The following LEF1 variants were observed in gnomAD, a reference collection of about 807,000 sequenced individuals.
LEF1 encodes the protein lymphoid enhancer-binding factor 1.
In LEF1, 14 loss-of-function variants were observed where a neutral mutation model predicts 51.2. The observed-to-expected ratio is 0.27, with a 90% CI of 0.18 to 0.43. The LOEUF (loss-of-function observed/expected upper bound fraction) is 0.43, where lower values mean the gene tolerates loss of function less well. Ranked by LOEUF, LEF1 falls within the 20% of genes least tolerant of loss-of-function variation. The probability of loss-of-function intolerance (pLI) is 1.00; values close to 1 mark genes in which losing one functional copy is unlikely to be tolerated. For missense variants in LEF1, 386 were observed against 512.0 expected (o/e 0.75, Z 2.37); for synonymous variants, 185 against 183.2 (o/e 1.01, Z -0.08).
intron 3 of LEF1, among the ~76,000 whole-genome samples, chr4:108,090,331 C>T (rs774349429): frequency 6.6e-6 from 1 of 152,096 alleles, no homozygotes; most frequent in African/African-American, 2.4e-5. Flanking sequence ...TTTTAACACA[C>T]TTTATATGTC....
chr4:108,091,464 G>GAA (rs201140032), intron 3 of LEF1, among the ~76,000 whole-genome samples: 4 of 148,006 alleles, frequency 2.7e-5, no homozygotes, highest in African/African-American at 9.9e-5. Flanking sequence ...GAAAAAAAAG[G>GAA]AAAAAAAAAT....
intron 3 of LEF1, among the ~76,000 whole-genome samples, chr4:108,131,405 A>AT (rs70949013): frequency 1.4e-5 from 2 of 145,732 alleles, no homozygotes; most frequent in Non-Finnish European, 3.1e-5. Flanking sequence ...AAAAAAAAAA[A>AT]TGTTTTAAAT....
chr4:108,059,124 G>C (rs1737504264), intron 11 of LEF1, among the ~76,000 whole-genome samples: 1 of 152,134 alleles, frequency 6.6e-6, no homozygotes, highest in Admixed American at 6.5e-5. Context: ...TAATTTATTT[G>C]TTTCAATCTG....
intron 3 of LEF1, among the ~76,000 whole-genome samples, chr4:108,110,659 C>A (rs781588092): frequency 6.6e-6 from 1 of 152,164 alleles, no homozygotes; most frequent in Non-Finnish European, 1.5e-5. Flanking sequence ...AGGTATGCGA[C>A]AAGACTGACA....
At chr4:108,102,501 T>C (rs1337113440) in intron 3 of LEF1, among the ~76,000 whole-genome samples, 2 of 152,084 alleles carry the variant, frequency 1.3e-5, no homozygotes, top group Admixed American at 6.6e-5. Context: ...AAAAACTCAG[T>C]TGGACAAGTC....
chr4:108,121,865 G>C (rs1742199463), intron 3 of LEF1, among the ~76,000 whole-genome samples: 1 of 152,166 alleles, frequency 6.6e-6, no homozygotes, highest in Admixed American at 6.5e-5. Context: ...CACTGGTTTT[G>C]ATATGTAAAC....
rs141061481 is a variant in LEF1, at chr4:108,087,958, G to C, written c.547+1167C>G. On this transcript the variant is annotated intron_variant, in intron 4 of 11. Transcript: ENST00000265165. ...CATTCCTAATTTGTTGGAGGCTCTT[G>C]ATTAAAGGAAGCAGGGTGGAGGAAG... Among the ~76,000 whole-genome samples the C allele has an allele frequency of 4.1e-3, 625 of 152,268 alleles. 4 individuals are homozygous for C. Among genetic ancestry groups the C allele is most frequent in the African/African-American group, 0.014 (588 of 41,532 alleles).
At chr4:108,128,950 TG>T (rs1742707500) in intron 3 of LEF1, among the ~76,000 whole-genome samples, 1 of 152,160 alleles carries the variant, frequency 6.6e-6, no homozygotes, top group African/African-American at 2.4e-5. Context: ...TTATTACAGA[TG>T]AAAGAATATT....
chr4:108,055,994 G>A (rs979626566), intron 11 of LEF1, among the ~76,000 whole-genome samples: 2 of 152,194 alleles, frequency 1.3e-5, no homozygotes, highest in African/African-American at 4.8e-5. Flanking sequence ...TCGGGCTGCT[G>A]TCCAGCTCTC....
chr4:108,055,394 G>T (rs1016969602), intron 11 of LEF1, among the ~76,000 whole-genome samples: 1 of 152,134 alleles, frequency 6.6e-6, no homozygotes, highest in South Asian at 2.1e-4. Flanking sequence ...TGAGGTATTC[G>T]TATTCAAATC....
intron 3 of LEF1, among the ~76,000 whole-genome samples, chr4:108,111,703 G>A (rs1416831073): frequency 2.0e-5 from 3 of 152,148 alleles, no homozygotes; most frequent in Admixed American, 1.3e-4. Flanking sequence ...CTTGAGCTCA[G>A]GAGTTCGAAA....
At chr4:108,064,864 G>T (rs989417278) in intron 9 of LEF1, among the ~76,000 whole-genome samples, 1 of 152,004 alleles carries the variant, frequency 6.6e-6, no homozygotes. Flanking sequence ...ACCCACTTCT[G>T]GTAGTGCTTA....
At chr4:108,117,118 A>G (rs1208566400) in intron 3 of LEF1, among the ~76,000 whole-genome samples, 1 of 152,184 alleles carries the variant, frequency 6.6e-6, no homozygotes, top group Non-Finnish European at 1.5e-5. Context: ...GTTTCTCCTC[A>G]TTAGAATCAA....
chr4:108,063,498 T>A, intron 11 of LEF1, 125 bp downstream of exon 11: 1 of 742,172 alleles, frequency 1.3e-6, no homozygotes, highest in South Asian at 1.6e-5. Context: ...CTAATTTGAT[T>A]TTGCTGAGTT....
chr4:108,160,746 CT>C (rs955325547), intron 3 of LEF1, among the ~76,000 whole-genome samples: 1 of 152,162 alleles, frequency 6.6e-6, no homozygotes, highest in African/African-American at 2.4e-5. Flanking sequence ...TAGCATTTGT[CT>C]AAAAAATAAG....
intron 3 of LEF1, among the ~76,000 whole-genome samples, chr4:108,144,674 G>A (rs1047333351): frequency 6.6e-6 from 1 of 151,952 alleles, no homozygotes; most frequent in Non-Finnish European, 1.5e-5. Context: ...GCTGCTGGAG[G>A]GCAGGGCCAC....
intron 3 of LEF1, among the ~76,000 whole-genome samples, chr4:108,144,985 G>A (rs929874524): frequency 5.3e-5 from 8 of 151,334 alleles, no homozygotes; most frequent in South Asian, 2.1e-4. Context: ...GTATCTTATC[G>A]GAACAAATAG....
intron 11 of LEF1, among the ~76,000 whole-genome samples, chr4:108,052,409 A>T (rs1465154028): frequency 6.6e-6 from 1 of 152,210 alleles, no homozygotes; most frequent in Non-Finnish European, 1.5e-5. Flanking sequence ...ATTTGAGGGG[A>T]GAATATTAGA....
intron 3 of LEF1, among the ~76,000 whole-genome samples, chr4:108,111,030 T>A (rs771561684): frequency 1.7e-4 from 26 of 152,216 alleles, no homozygotes; most frequent in Non-Finnish European, 3.1e-4. Context: ...ATTGGATCAG[T>A]AATTTTCTCT....
Sources: allele counts gnomAD v4.1 joint callset (sites outside exome capture counted in the v4.1 genomes callset), GRCh38; gene constraint gnomAD v4.1.1; transcripts MANE v1.5; gene names NCBI Gene and HGNC (gene_info 2026-07-23, HGNC 2026-07-21).